SLC7A5: variants seen among roughly 807,000 people sequenced by gnomAD.
The protein encoded by SLC7A5 is large neutral amino acids transporter small subunit 1.
SLC7A5 carries 23 observed loss-of-function variants against 50.2 expected under a neutral mutation model. The observed-to-expected ratio is 0.46, with a 90% CI of 0.33 to 0.65. SLC7A5 has a LOEUF of 0.65. Among genes scored for constraint, SLC7A5 ranks in the 30% least tolerant of loss-of-function variants. SLC7A5 has a pLI of 0.02. For synonymous variants in SLC7A5, 393 were observed against 330.6 expected (o/e 1.19, Z -2.05); for missense variants, 578 against 684.4 (o/e 0.84, Z 1.73).
At position 87,836,516 on chromosome 16, in the gene SLC7A5, C is replaced by T; in HGVS notation, c.1272G>A (p.Glu424=). 6.2e-7 allele frequency: 1 copy of T among 1,612,294 alleles called. No individual in the cohort carries two copies. The change falls in exon 8 of 10, where the codon GAG becomes GAA. Residue 424 remains glutamate (E), a synonymous_variant. Transcript: ENST00000261622. ...GGCTCACCTTGATGGGCCGCTCAAG[C>T]TCAGGCTTTCTGTGGCGCAGCCAGA... ...GMIWLRHRKP[E]LERPIKVNLA...
At chr16:87,835,715 C>T (rs1272050066) in intron 8 of SLC7A5, among the ~76,000 whole-genome samples, 2 of 152,094 alleles carry the variant, frequency 1.3e-5, no homozygotes. Context: ...ACTTTGTGAT[C>T]TGCCCGCCTC....
At position 87,833,731 on chromosome 16, in the gene SLC7A5, C is replaced by T. The variant is rs998915819; in HGVS notation, c.1468+683G>A. Reference sequence around the variant, plus strand: ...GGATCAGCATGTAGGCCCGCAAGCACCCCGGCCTTTTTCTACGAGCCTGGC... The same window carrying T: ...GGATCAGCATGTAGGCCCGCAAGCATCCCGGCCTTTTTCTACGAGCCTGGC... On this transcript the variant is annotated intron_variant, in intron 9 of 9. Transcript: ENST00000261622. This position sits in a 1 kb window ranked among gnomAD's most constrained non-coding sequence, Gnocchi z 6.0. 3.9e-5 allele frequency among the ~76,000 whole-genome samples: 6 copies of T among 152,160 alleles called. No homozygotes were observed. Among genetic ancestry groups the T allele is most frequent in the Non-Finnish European group, 7.4e-5 (5 of 68,024 alleles).
In SLC7A5 at chr16:87,869,480, G is replaced by A. The variant is rs998218845; in HGVS notation, c.-58C>T. The A allele has an allele frequency of 6.0e-6, 7 of 1,168,752 alleles. No homozygotes were observed. The highest frequency in any genetic ancestry group is 1.6e-5 in the African/African-American group (1 of 61,780). The allele number at this position is 1,168,752 out of a possible 1,614,324, so 72.4% of individuals were successfully genotyped here. On this transcript the variant is annotated 5_prime_UTR_variant, in exon 1 of 10. Coordinates refer to ENST00000261622, the MANE Select transcript of SLC7A5 (RefSeq NM_003486.7). ...GGAGCCGCGGCCCAGCGAGCAGTGT[G>A]CGCGCCGCCCGCCGCCCGCAGCTGC...
intron 8 of SLC7A5, chr16:87,834,805 G>T (rs1332869618): frequency 6.6e-6 from 4 of 610,378 alleles, no homozygotes; most frequent in Middle Eastern, 4.4e-4. Flanking sequence ...GGGCTCAGGC[G>T]GCTTATGATG....
In SLC7A5 at chr16:87,840,026, T is replaced by C. The variant is rs114230120; in HGVS notation, c.816-201A>G. 4.3e-3 allele frequency among the ~76,000 whole-genome samples: 659 copies of C among 152,284 alleles called. 6 individuals are homozygous for C. The highest frequency in any genetic ancestry group is 0.015 in the African/African-American group (636 of 41,546). The stretch of plus-strand genomic sequence containing the variant: ...GAGCGGGACACTGCACAGCCCTGGC[T>C]GGTGCCTTGGCCGCGGCCTCAGCTT... On this transcript the variant is annotated intron_variant, in intron 4 of 9. Coordinates refer to ENST00000261622, the MANE Select transcript of SLC7A5 (RefSeq NM_003486.7).
chr16:87,835,139 GGATT>G (rs1004221294), intron 8 of SLC7A5, among the ~76,000 whole-genome samples: 59 of 152,274 alleles, frequency 3.9e-4, no homozygotes, highest in African/African-American at 1.3e-3. Flanking sequence ...CATGGCTGGG[GGATT>G]GACTCAGCTG....
rs542776237 is a variant in SLC7A5, at chr16:87,831,824, G to A, written c.*1146C>T. 2.6e-5 allele frequency: 4 copies of A among 152,534 alleles called. No homozygotes were observed. Among genetic ancestry groups the A allele is most frequent in the African/African-American group, 9.6e-5 (4 of 41,606 alleles). 9.4% of individuals were successfully genotyped at this position (152,534 alleles called of 1,614,324 possible). Reference sequence around the variant, plus strand: ...GCCCTAGTTCCCTCTCTGCAGGCGGGTGGGGACTGGGTGAGAGCCCAGGGG... The same window carrying A: ...GCCCTAGTTCCCTCTCTGCAGGCGGATGGGGACTGGGTGAGAGCCCAGGGG... On this transcript the variant is annotated 3_prime_UTR_variant, in exon 10 of 10. Transcript: ENST00000261622.
intron 2 of SLC7A5, among the ~76,000 whole-genome samples, chr16:87,844,050 C>T (rs2055116389): frequency 6.6e-6 from 1 of 152,182 alleles, no homozygotes; most frequent in African/African-American, 2.4e-5. Flanking sequence ...AGTCAGCCTC[C>T]ACCCACAAGG....
chr16:87,839,598 G>T, intron 5 of SLC7A5, 104 bp downstream of exon 5: 1 of 1,558,196 alleles, frequency 6.4e-7, no homozygotes, highest in Non-Finnish European at 8.8e-7. Context: ...GGCCCCCTCT[G>T]CGTAGGGGAG....
At position 87,831,882 on chromosome 16, in the gene SLC7A5, T is replaced by C. The variant is rs1320923355; in HGVS notation, c.*1088A>G. The C allele has an allele frequency of 6.6e-6, 1 of 152,420 alleles. No homozygotes were observed. The highest frequency in any genetic ancestry group is 1.5e-5 in the Non-Finnish European group (1 of 68,220). The allele number at this position is 152,420 out of a possible 1,614,324, so 9.4% of individuals were successfully genotyped here. ...ACGCAGGCGGCAGAGACGTGAGCAG[T>C]GCTTGGCTCTGTCTCCTAGACAACG... On this transcript the variant is annotated 3_prime_UTR_variant, in exon 10 of 10. Transcript: ENST00000261622.
intron 5 of SLC7A5, 106 bp downstream of exon 5, chr16:87,839,596 C>A (rs1343718950): frequency 1.9e-6 from 3 of 1,550,322 alleles, no homozygotes; most frequent in South Asian, 2.2e-5. Flanking sequence ...GGGGCCCCCT[C>A]TGCGTAGGGG....
chr16:87,851,793 C>T lies in SLC7A5; in HGVS notation c.595G>A (p.Ala199Thr). 6.2e-7 allele frequency: 1 copy of T among 1,613,184 alleles called. No individual in the cohort carries two copies. The highest frequency in any genetic ancestry group is 8.5e-7 in the Non-Finnish European group (1 of 1,179,970). ...GCCAGGAGCTTGGCGGCGGCAAAGGCATCCTGGACCCGGGTGGCGGCCTTC... is the reference window on the plus strand; with the variant it reads ...GCCAGGAGCTTGGCGGCGGCAAAGGTATCCTGGACCCGGGTGGCGGCCTTC... ...SVKAATRVQD[A>T]FAAAKLLALA... Residue 199 changes from alanine (A) to threonine (T), a missense_variant, in exon 2 of 10, where the codon GCC (alanine) becomes ACC (threonine). Ala to Thr is a moderately conservative substitution (Grantham distance 58). This residue lies in a region of SLC7A5 where 465 missense variants were observed against 594.6 expected (regional missense o/e 0.78). Transcript: ENST00000261622.
At chr16:87,840,830 A>G (rs2055074293) in intron 3 of SLC7A5, among the ~76,000 whole-genome samples, 2 of 152,118 alleles carry the variant, frequency 1.3e-5, no homozygotes, top group African/African-American at 2.4e-5. Flanking sequence ...GTGGAGCTAG[A>G]GCCAGAGTAG....
intron 9 of SLC7A5, 149 bp downstream of exon 9, chr16:87,834,265 C>T: frequency 1.3e-6 from 1 of 751,064 alleles, no homozygotes; most frequent in Non-Finnish European, 2.4e-6. Flanking sequence ...ATGTGGGCTG[C>T]GTGTCACTGG....
rs1441018525 is a variant in SLC7A5 at position 87,861,012 on chromosome 16, G to A, written c.538+7873C>T. Among the ~76,000 whole-genome samples, 2 of 152,230 alleles carry A rather than the reference G, an allele frequency of 1.3e-5. No individual in the cohort carries two copies. Among genetic ancestry groups the A allele is most frequent in the African/African-American group, 4.8e-5 (2 of 41,472 alleles). Reference sequence around the variant, plus strand: ...GGCCAGTATCAGGGAAGGAGACGCTGTGGGGGGCCCTCCTGTTGGAAAAGG... The same window carrying A: ...GGCCAGTATCAGGGAAGGAGACGCTATGGGGGGCCCTCCTGTTGGAAAAGG... On this transcript the variant is annotated intron_variant, in intron 1 of 9. Transcript: ENST00000261622. This position sits in a 1 kb window ranked among gnomAD's most constrained non-coding sequence, Gnocchi z 4.2.
intron 6 of SLC7A5, among the ~76,000 whole-genome samples, chr16:87,838,513 G>A (rs969667212): frequency 6.6e-6 from 1 of 152,076 alleles, no homozygotes; most frequent in Non-Finnish European, 1.5e-5. Flanking sequence ...GGCTGGTCTC[G>A]AACTCCTGAG....
intron 2 of SLC7A5, among the ~76,000 whole-genome samples, chr16:87,842,952 A>G (rs1429146846): frequency 6.6e-6 from 1 of 152,126 alleles, no homozygotes; most frequent in African/African-American, 2.4e-5. Flanking sequence ...GCATAGCCCT[A>G]CTGTGTCTCG....
rs1473951577 is a variant in SLC7A5 at position 87,833,418 on chromosome 16, A to G, written c.1469-393T>C. On this transcript the variant is annotated intron_variant, in intron 9 of 9. Coordinates refer to ENST00000261622, the MANE Select transcript of SLC7A5 (RefSeq NM_003486.7). This position sits in a 1 kb window ranked among gnomAD's most constrained non-coding sequence, Gnocchi z 6.0. ...CATGCCTGGACTGTTCACAGCAGGCAGGGCCGGAGGGGCCAATCTGCTAAC... is the reference window on the plus strand; with the variant it reads ...CATGCCTGGACTGTTCACAGCAGGCGGGGCCGGAGGGGCCAATCTGCTAAC... Among the ~76,000 whole-genome samples the G allele has an allele frequency of 6.6e-6, 1 of 152,248 alleles. No homozygotes were observed. The highest frequency in any genetic ancestry group is 1.5e-5 in the Non-Finnish European group (1 of 68,036).
At chr16:87,856,251 C>G in intron 1 of SLC7A5, among the ~76,000 whole-genome samples, 1 of 152,244 alleles carries the variant, frequency 6.6e-6, no homozygotes, top group South Asian at 2.1e-4. Context: ...GTTTCAGAGT[C>G]TGTCCAGAGG....
Sources: allele counts gnomAD v4.1 joint callset (sites outside exome capture counted in the v4.1 genomes callset), GRCh38; gene constraint gnomAD v4.1.1; regional missense constraint gnomAD v4.1.1; non-coding constraint Gnocchi (gnomAD v3.1); transcripts MANE v1.5; gene names NCBI Gene and HGNC (gene_info 2026-07-23, HGNC 2026-07-21).